Variants in HSPG2 observed in about 807,000 individuals in gnomAD.
HSPG2 encodes basement membrane-specific heparan sulfate proteoglycan core protein.
A neutral mutation model predicts 526.6 loss-of-function variants in HSPG2; 278 were observed. The ratio of observed to expected loss-of-function variants is 0.53; its 90% CI spans 0.48 to 0.58. HSPG2 has a LOEUF of 0.58. Ranked by LOEUF, HSPG2 falls within the 20% of genes least tolerant of loss-of-function variation. The pLI is 0.00. For missense variants in HSPG2, 5,354 were observed against 6,099.5 expected (o/e 0.88, Z 4.07); for synonymous variants, 2,465 against 2,555.4 (o/e 0.96, Z 1.07).
rs145474376 is a variant in HSPG2 at position 21,855,562 on chromosome 1, C to T, written c.5815G>A (p.Ala1939Thr). The T allele has an allele frequency of 5.9e-5, 95 of 1,602,100 alleles. No homozygotes were observed. The highest frequency in any genetic ancestry group is 3.6e-4 in the East Asian group (16 of 44,522). The change falls in exon 46 of 97, where the codon GCT (alanine) becomes ACT (threonine). Residue 1939 changes from alanine (A) to threonine (T), a missense_variant. Coordinates refer to ENST00000374695, the MANE Select transcript of HSPG2 (RefSeq NM_005529.7). ...ACAGCCCTGGCCACCTGCTGCCCAG[C>T]GCTGCTGTGGGCTCGGCACAAGTAC... ...AQYLCRAHSS[A>T]GQQVARAVLH...
chr1:21,878,381 C>T (rs1283570734), intron 20 of HSPG2, 52 bp downstream of exon 20: 1 of 1,581,284 alleles, frequency 6.3e-7, no homozygotes, highest in South Asian at 1.1e-5. Context: ...TGGTGTGCAG[C>T]CCAGGTTGGG....
intron 55 of HSPG2, chr1:21,851,234 A>C: frequency 5.0e-6 from 2 of 403,740 alleles, no homozygotes; most frequent in South Asian, 2.5e-5. Flanking sequence ...CGGCCTCCCA[A>C]AGTGCTGGGA....
At chr1:21,841,317 A>T (rs1479479990) in intron 70 of HSPG2, 32 bp from the exon 71 acceptor site, 1 of 1,612,012 alleles carries the variant, frequency 6.2e-7, no homozygotes, top group Admixed American at 1.7e-5. Flanking sequence ...ACTGACACAC[A>T]GGCAGGGCTC....
At chr1:21,835,956 C>T (rs1386544076) in intron 75 of HSPG2, among the ~76,000 whole-genome samples, 1 of 127,550 alleles carries the variant, frequency 7.8e-6, no homozygotes, top group Admixed American at 9.7e-5. Flanking sequence ...TGCACTCCAG[C>T]GTGGGTGACA....
At chr1:21,856,002 AG>A (rs1639313539) in intron 44 of HSPG2, 90 bp from the exon 45 acceptor site, 4 of 1,548,570 alleles carry the variant, frequency 2.6e-6, no homozygotes, top group Non-Finnish European at 2.6e-6. Context: ...CTCTGCTTCC[AG>A]GCTAGCCCTC....
rs1310960591 is a variant in HSPG2 at position 21,878,311 on chromosome 1, G to A, written c.2618-58C>T. ...TGGGAATGGGATATACGTGGTCCGGGCAGATAGAGGAACAGTGGCTCCCCA... is the reference window on the plus strand; with the variant it reads ...TGGGAATGGGATATACGTGGTCCGGACAGATAGAGGAACAGTGGCTCCCCA... On this transcript the variant is annotated intron_variant, in intron 20 of 96. Coordinates refer to ENST00000374695, the MANE Select transcript of HSPG2 (RefSeq NM_005529.7). 3.8e-6 allele frequency: 6 copies of A among 1,592,512 alleles called. No individual in the cohort carries two copies. In the African/African-American group the frequency reaches 6.7e-5, roughly 18 times the overall value.
intron 1 of HSPG2, among the ~76,000 whole-genome samples, chr1:21,935,282 G>T (rs1168435022): frequency 6.6e-6 from 1 of 152,218 alleles, no homozygotes; most frequent in African/African-American, 2.4e-5. Flanking sequence ...AGCAGCCTGG[G>T]GTGGGACAGC....
At chr1:21,863,298 AGGAGGT>A (rs1557741082) in intron 37 of HSPG2, among the ~76,000 whole-genome samples, 2 of 151,558 alleles carry the variant, frequency 1.3e-5, no homozygotes, top group Admixed American at 1.3e-4. Flanking sequence ...GCGTGAACCC[AGGAGGT>A]GGAGCTTGCA....
Position 21,887,308 on chromosome 1 carries a change from CGTT to C in HSPG2, c.982_984del (p.Asn328del). The C allele has an allele frequency of 6.2e-7, 1 of 1,614,082 alleles. No homozygotes were observed. Among genetic ancestry groups the C allele is most frequent in the Non-Finnish European group, 8.5e-7 (1 of 1,179,962 alleles). The stretch of plus-strand genomic sequence containing the variant: ...CAATGTCCATTCCCGCAGGGGAACT[CGTT>C]GGGCTCACAGGGTGGCGGGGGGCCT... On this transcript the variant is annotated inframe_deletion, in exon 9 of 97. Coordinates refer to ENST00000374695, the MANE Select transcript of HSPG2 (RefSeq NM_005529.7). The surrounding 1 kb of genome is among the most constrained non-coding windows in gnomAD (Gnocchi z 5.0).
rs1639031823 is a variant in HSPG2, at chr1:21,852,956, CACGTGACCTGG to C, written c.6543_6553del (p.Gln2182AlafsTer240). The C allele has an allele frequency of 6.2e-7, 1 of 1,613,406 alleles. No homozygotes were observed. Among genetic ancestry groups the C allele is most frequent in the African/African-American group, 1.3e-5 (1 of 74,930 alleles). On this transcript the variant is annotated frameshift_variant, in exon 51 of 97. Coordinates refer to ENST00000374695, the MANE Select transcript of HSPG2 (RefSeq NM_005529.7). LOFTEE classifies it high-confidence loss of function. Reference sequence around the variant, plus strand: ...AGGGAGGCTGCCCCCACGCTTGTGCCACGTGACCTGGGCGTGGGCCTGCCCGGGCACCACGC... The same window carrying C: ...AGGGAGGCTGCCCCCACGCTTGTGCCGCGTGGGCCTGCCCGGGCACCACGC...
In HSPG2 at chr1:21,851,873, C is replaced by G. The variant is rs1335230251; in HGVS notation, c.6924G>C (p.Gln2308His). ...TGCCGTTGCTGGCCCGGCAGACGTA[C>G]TGTCCCGCATCGGCAGGTGAGGCCT... ...IFQASPADAG[Q>H]YVCRASNGME... Residue 2308 changes from glutamine (Q) to histidine (H), a missense_variant, in exon 54 of 97, where the codon CAG becomes CAC. Transcript: ENST00000374695. The G allele has an allele frequency of 6.2e-7, 1 of 1,612,966 alleles. No homozygotes were observed. The highest frequency in any genetic ancestry group is 1.7e-4 in the Middle Eastern group (1 of 6,060).
chr1:21,833,996 T>C, intron 77 of HSPG2, 71 bp from the exon 78 acceptor site: 1 of 1,019,046 alleles, frequency 9.8e-7, no homozygotes, highest in Non-Finnish European at 1.5e-6. Flanking sequence ...TGCACCCTGA[T>C]TCATTTCATC....
At chr1:21,830,874 G>A (rs375550262) in intron 85 of HSPG2, 108 bp downstream of exon 85, 19 of 719,608 alleles carry the variant, frequency 2.6e-5, no homozygotes, top group Non-Finnish European at 4.4e-5. Flanking sequence ...AGGTGAGAGT[G>A]GGGGGTGTGG....
At position 21,840,095 on chromosome 1, in the gene HSPG2, T is replaced by A. The variant is rs1438675366; in HGVS notation, c.9514-78A>T. The A allele has an allele frequency of 2.6e-6, 3 of 1,146,342 alleles. No individual in the cohort carries two copies. The African/African-American group carries it at 4.5e-5, about 17-fold the overall frequency. 71.0% of individuals were successfully genotyped at this position (1,146,342 alleles called of 1,614,324 possible). A position where few individuals can be genotyped will look rare whatever the true frequency, so the allele number is the denominator to read the frequency against. On this transcript the variant is annotated intron_variant, in intron 71 of 96. Coordinates refer to ENST00000374695, the MANE Select transcript of HSPG2 (RefSeq NM_005529.7). Reference sequence around the variant, plus strand: ...GTCAGCCCCAGCTCTGGCTTGGTCTTCCCTATTTCCTCTACCCTGCCTTGG... The same window carrying A: ...GTCAGCCCCAGCTCTGGCTTGGTCTACCCTATTTCCTCTACCCTGCCTTGG...
chr1:21,835,983 C>CAAA (rs71569851), intron 75 of HSPG2, among the ~76,000 whole-genome samples: 1,870 of 75,640 alleles, frequency 0.025, 66 homozygotes, highest in African/African-American at 0.076. Context: ...GATTCCATCT[C>CAAA]AAAAAAAAAA....
At position 21,885,321 on chromosome 1, in the gene HSPG2, G is replaced by A. The variant is rs1281168207; in HGVS notation, c.1209C>T (p.Cys403=). The A allele has an allele frequency of 6.2e-7, 1 of 1,614,024 alleles. No homozygotes were observed. The highest frequency in any genetic ancestry group is 8.5e-7 in the Non-Finnish European group (1 of 1,179,988). The change falls in exon 10 of 97, where the codon TGC becomes TGT. Residue 403 remains cysteine (C), a splice_region_variant and synonymous_variant. Transcript: ENST00000374695. ...DCPDRSDEFG[C]MPPQVVTPPR... Reference sequence around the variant, plus strand: ...TCTCGACCCCAGCTCCCTGCTCACTGCAGCCAAACTCGTCGCTCCGGTCAG... The same window carrying A: ...TCTCGACCCCAGCTCCCTGCTCACTACAGCCAAACTCGTCGCTCCGGTCAG...
chr1:21,891,515 C>A (rs1286320410), intron 3 of HSPG2, among the ~76,000 whole-genome samples: 2 of 152,224 alleles, frequency 1.3e-5, no homozygotes, highest in Non-Finnish European at 2.9e-5. Context: ...ACGCCCGCAT[C>A]CCCAGTGCCT....
Position 21,877,400 on chromosome 1 carries a change from A to G in HSPG2, c.2686-748T>C, listed in dbSNP as rs1641161965. The G allele has an allele frequency of 2.0e-5, 3 of 152,476 alleles. No individual in the cohort carries two copies. In the South Asian group the frequency reaches 6.2e-4, roughly 32 times the overall value. The allele number at this position is 152,476 out of a possible 1,614,324, so 9.4% of individuals were successfully genotyped here. A position where few individuals can be genotyped will look rare whatever the true frequency, so the allele number is the denominator to read the frequency against. On this transcript the variant is annotated intron_variant, in intron 21 of 96. Transcript: ENST00000374695. ...GATGTGAAATGACTTGCACAAAGTT[A>G]CTCAGCTTGCCCATCCACTCTGGGA...
intron 1 of HSPG2, among the ~76,000 whole-genome samples, chr1:21,909,882 C>A (rs1408491309): frequency 1.3e-5 from 2 of 152,236 alleles, no homozygotes; most frequent in Admixed American, 6.5e-5. Flanking sequence ...CTCTGGTGCA[C>A]AAAGAGGCAC....
Sources: gnomAD v4.1 joint callset for allele counts (sites outside exome capture counted in the v4.1 genomes callset) on GRCh38, gnomAD v4.1.1 for gene constraint, Gnocchi (gnomAD v3.1) non-coding constraint, MANE v1.5 for transcripts, NCBI Gene and HGNC (gene_info 2026-07-23, HGNC 2026-07-21) for gene names.